Variants in JARID2 observed in about 807,000 individuals in gnomAD.
JARID2 encodes the protein protein Jumonji.
A neutral mutation model predicts 125.6 loss-of-function variants in JARID2; 21 were observed. That is an observed-to-expected ratio of 0.17 (90% CI 0.12 to 0.24). JARID2 has a LOEUF of 0.24. JARID2 is among the 10% of genes least tolerant of loss of function. JARID2 has a pLI of 1.00. For missense variants in JARID2, 1,303 were observed against 1,639.6 expected, an observed-to-expected ratio of 0.79 and a Z score of 3.55; for synonymous variants, 736 against 661.6, an observed-to-expected ratio of 1.11 and a Z score of -1.73.
chr6:15,489,630 G>A (rs1770050436), intron 6 of JARID2, among the ~76,000 whole-genome samples: 1 of 152,392 alleles, frequency 6.6e-6, no homozygotes, highest in African/African-American at 2.4e-5. Context: ...GGATGGCCCT[G>A]CCTGCCCCCA....
intron 3 of JARID2, among the ~76,000 whole-genome samples, chr6:15,429,331 C>T (rs1441848289): frequency 1.3e-5 from 2 of 151,722 alleles, no homozygotes; most frequent in African/African-American, 2.4e-5. Flanking sequence ...ATGGTGTCAT[C>T]ATAGGCTAAC....
At chr6:15,427,102 T>G (rs958452556) in intron 3 of JARID2, among the ~76,000 whole-genome samples, 2 of 152,188 alleles carry the variant, frequency 1.3e-5, no homozygotes, top group Non-Finnish European at 2.9e-5. Flanking sequence ...CTTCTTTCTT[T>G]AACAAGTTCC....
chr6:15,393,149 T>A (rs1227787466), intron 2 of JARID2, among the ~76,000 whole-genome samples: 2 of 152,228 alleles, frequency 1.3e-5, no homozygotes, highest in African/African-American at 4.8e-5. Flanking sequence ...GAAGTCTTTC[T>A]GGGTATTCTT....
chr6:15,277,448 T>C (rs1263252725), intron 1 of JARID2, among the ~76,000 whole-genome samples: 1 of 152,170 alleles, frequency 6.6e-6, no homozygotes, highest in East Asian at 1.9e-4. Context: ...ATTTTAATAA[T>C]GGCATGATAC....
intron 3 of JARID2, among the ~76,000 whole-genome samples, chr6:15,441,084 T>C (rs921679142): frequency 3.3e-5 from 5 of 152,186 alleles, no homozygotes; most frequent in Admixed American, 6.5e-5. Context: ...TGTTGTGGGT[T>C]TTCTGATACT....
At chr6:15,313,232 G>GA (rs1043186805) in intron 1 of JARID2, among the ~76,000 whole-genome samples, 1 of 152,146 alleles carries the variant, frequency 6.6e-6, no homozygotes, top group Non-Finnish European at 1.5e-5. Context: ...AAGGAAACAG[G>GA]AAAAATCTCA....
chr6:15,517,533 C>T (rs575465872), intron 17 of JARID2, among the ~76,000 whole-genome samples: 8 of 152,228 alleles, frequency 5.3e-5, no homozygotes, highest in African/African-American at 1.9e-4. Flanking sequence ...GCCCCCCCGG[C>T]TTTCCCAAGG....
At chr6:15,424,449 A>G (rs542327473) in intron 3 of JARID2, among the ~76,000 whole-genome samples, 1 of 152,342 alleles carries the variant, frequency 6.6e-6, no homozygotes, top group Non-Finnish European at 1.5e-5. Flanking sequence ...AGCAAAATTT[A>G]TGATTATAGA....
chr6:15,493,376 G>A (rs1447407377), intron 6 of JARID2, among the ~76,000 whole-genome samples: 1 of 152,180 alleles, frequency 6.6e-6, no homozygotes, highest in Non-Finnish European at 1.5e-5. Flanking sequence ...GGAAAACACT[G>A]AACTAAACCT....
intron 1 of JARID2, among the ~76,000 whole-genome samples, chr6:15,263,915 C>A (rs1039328763): frequency 1.3e-5 from 2 of 152,106 alleles, no homozygotes; most frequent in African/African-American, 4.8e-5. Context: ...TTTTTAGATA[C>A]AGGGTGTCGC....
At chr6:15,475,815 A>G (rs11758203) in intron 5 of JARID2, among the ~76,000 whole-genome samples, 19,311 of 152,186 alleles carry the variant, frequency 0.13, 1,348 homozygotes, top group Non-Finnish European at 0.15. Flanking sequence ...AAACATTCAA[A>G]TATAGAGGCA....
At position 15,520,058 on chromosome 6, in the gene JARID2, C is replaced by T. The variant is rs1771758562; in HGVS notation, c.3559-11C>T. The stretch of plus-strand genomic sequence containing the variant: ...GTATGTTAACTGTGTCTTCCTTTCA[C>T]CCCCAAACAGGAACAGATTATCAGT... On this transcript the variant is annotated splice_polypyrimidine_tract_variant and intron_variant, in intron 17 of 17. Transcript: ENST00000341776. 6.2e-7 allele frequency: 1 copy of T among 1,606,392 alleles called. No individual in the cohort carries two copies. Among genetic ancestry groups the T allele is most frequent in the African/African-American group, 1.3e-5 (1 of 74,468 alleles).
At chr6:15,411,974 G>T (rs954135710) in intron 3 of JARID2, among the ~76,000 whole-genome samples, 4 of 152,176 alleles carry the variant, frequency 2.6e-5, no homozygotes, top group African/African-American at 9.7e-5. Flanking sequence ...CTTTCTCTTT[G>T]TATGGGACCA....
intron 2 of JARID2, among the ~76,000 whole-genome samples, chr6:15,402,308 T>C (rs1765470388): frequency 6.6e-6 from 1 of 152,182 alleles, no homozygotes. Context: ...ATTGGATACC[T>C]GGTTTCTTTT....
At chr6:15,323,235 C>G (rs1423765930) in intron 1 of JARID2, among the ~76,000 whole-genome samples, 1 of 152,242 alleles carries the variant, frequency 6.6e-6, no homozygotes, top group African/African-American at 2.4e-5. Context: ...CCCTGATTGC[C>G]TTCTCTATCC....
chr6:15,328,697 G>A (rs1221446749), intron 1 of JARID2, among the ~76,000 whole-genome samples: 2 of 152,224 alleles, frequency 1.3e-5, no homozygotes, highest in African/African-American at 4.8e-5. Flanking sequence ...CAGTCAAAAT[G>A]TGTGTCTGTG....
intron 1 of JARID2, among the ~76,000 whole-genome samples, chr6:15,363,745 T>G (rs1763878737): frequency 6.6e-6 from 1 of 152,244 alleles, no homozygotes; most frequent in Non-Finnish European, 1.5e-5. Flanking sequence ...CCCTGTCGCT[T>G]GGTGGACACA....
intron 3 of JARID2, among the ~76,000 whole-genome samples, chr6:15,440,785 TGGA>T (rs1767413075): frequency 6.6e-6 from 1 of 152,294 alleles, no homozygotes; most frequent in South Asian, 2.1e-4. Flanking sequence ...AGTCAGAAGG[TGGA>T]GGAGAATTAG....
At chr6:15,335,110 C>G (rs1239974696) in intron 1 of JARID2, among the ~76,000 whole-genome samples, 1 of 151,420 alleles carries the variant, frequency 6.6e-6, no homozygotes, top group South Asian at 2.1e-4. Context: ...TTTCCTCCTT[C>G]TTCTTTCCAG....
Sources: allele counts gnomAD v4.1 joint callset (sites outside exome capture counted in the v4.1 genomes callset), GRCh38; gene constraint gnomAD v4.1.1; transcripts MANE v1.5; gene names NCBI Gene and HGNC (gene_info 2026-07-23, HGNC 2026-07-21).